The following ANK2 variants were observed in gnomAD, a reference collection of about 807,000 sequenced individuals.
The protein encoded by ANK2 is ankyrin 2, also known as ankyrin-2.
A neutral mutation model predicts 360.5 loss-of-function variants in ANK2; 83 were observed. The ratio of observed to expected loss-of-function variants is 0.23; its 90% CI spans 0.19 to 0.28. ANK2 has a LOEUF of 0.28. Among genes scored for constraint, ANK2 ranks in the 10% least tolerant of loss-of-function variants. The pLI, the probability that ANK2 is intolerant of heterozygous loss-of-function variation, is 1.00. For synonymous variants in ANK2, 1,740 were observed against 1,759.5 expected (o/e 0.99, Z 0.28); for missense variants, 4,201 against 4,795.7 (o/e 0.88, Z 3.66).
intron 1 of ANK2, among the ~76,000 whole-genome samples, chr4:113,070,328 T>C (rs1225875098): frequency 6.6e-6 from 1 of 152,100 alleles, no homozygotes; most frequent in Non-Finnish European, 1.5e-5. Flanking sequence ...GCCAGCATTG[T>C]CCACCTTTAT....
chr4:113,318,711 C>A, intron 26 of ANK2, 91 bp downstream of exon 26: 1 of 1,112,566 alleles, frequency 9.0e-7, no homozygotes, highest in Non-Finnish European at 1.3e-6. Flanking sequence ...TAGCTGGTGG[C>A]TAGCTTTACA....
chr4:113,143,835 T>G (rs192584823), intron 1 of ANK2, among the ~76,000 whole-genome samples: 157 of 152,312 alleles, frequency 1.0e-3, no homozygotes, highest in Middle Eastern at 6.8e-3. Context: ...ACTTAAATAC[T>G]ACAGAACATG....
chr4:112,786,061 TG>T, the ANK2 span, among the ~76,000 whole-genome samples: 1 of 151,974 alleles, frequency 6.6e-6, no homozygotes, highest in Non-Finnish European at 1.5e-5. Context: ...AGGCTAGTCT[TG>T]AACTCCTAGC....
At chr4:113,211,947 T>C (rs1355305810) in intron 4 of ANK2, among the ~76,000 whole-genome samples, 1 of 152,196 alleles carries the variant, frequency 6.6e-6, no homozygotes, top group Non-Finnish European at 1.5e-5. Flanking sequence ...TGCTATATTA[T>C]CTTGCTTTAT....
chr4:112,819,194 G>A (rs2056268087), intron 1 of ANK2, among the ~76,000 whole-genome samples: 1 of 152,156 alleles, frequency 6.6e-6, no homozygotes, highest in Non-Finnish European at 1.5e-5. Flanking sequence ...ATAAATGTGT[G>A]TGGTTGGAAG....
At chr4:112,795,491 G>A in the ANK2 span, among the ~76,000 whole-genome samples, 1 of 148,446 alleles carries the variant, frequency 6.7e-6, no homozygotes, top group South Asian at 2.2e-4. Context: ...GGATTAGAAA[G>A]GAGAACTAGA....
At chr4:112,975,038 A>G (rs1002320579) in intron 2 of ANK2, among the ~76,000 whole-genome samples, 4 of 152,202 alleles carry the variant, frequency 2.6e-5, no homozygotes, top group Non-Finnish European at 5.9e-5. Context: ...ATAAATCTGT[A>G]TTAGAACTGT....
chr4:113,002,418 T>C (rs552788683), intron 2 of ANK2, among the ~76,000 whole-genome samples: 77 of 152,354 alleles, frequency 5.1e-4, no homozygotes, highest in African/African-American at 1.8e-3. Context: ...TGTAGGGACA[T>C]GGATGAAATT....
intron 26 of ANK2, among the ~76,000 whole-genome samples, chr4:113,319,224 C>T (rs2084634145): frequency 6.6e-6 from 1 of 151,972 alleles, no homozygotes; most frequent in African/African-American, 2.4e-5. Flanking sequence ...TTTTTATTAA[C>T]TCATTAAAAA....
rs2154074915 is a variant in ANK2 at position 113,373,384 on chromosome 4, G to A, written c.11794G>A (p.Glu3932Lys). Reference sequence around the variant, plus strand: ...GCCACAGGAACCTGTCAACATCGAGGAAGGGGATGGCTATTCCAAAGTTAT... The same window carrying A: ...GCCACAGGAACCTGTCAACATCGAGAAAGGGGATGGCTATTCCAAAGTTAT... ...GMPQEPVNIE[E>K]GDGYSKVIKR... Residue 3932 changes from glutamate to lysine, a missense_variant, in exon 45 of 46, where the codon GAA (glutamate) becomes AAA (lysine). Physicochemically the swap from Glu to Lys is moderately conservative, Grantham distance 56. Transcript: ENST00000357077. The A allele has an allele frequency of 6.2e-7, 1 of 1,614,192 alleles. No homozygotes were observed. The highest frequency in any genetic ancestry group is 8.5e-7 in the Non-Finnish European group (1 of 1,180,020).
At chr4:113,307,699 G>A (rs950713514) in intron 23 of ANK2, among the ~76,000 whole-genome samples, 19 of 152,096 alleles carry the variant, frequency 1.2e-4, no homozygotes, top group African/African-American at 2.4e-4. Context: ...CACCACGCCC[G>A]GCCGCCGTTC....
chr4:113,339,860 G>T (rs1406632615), intron 32 of ANK2, among the ~76,000 whole-genome samples: 1 of 152,180 alleles, frequency 6.6e-6, no homozygotes, highest in Non-Finnish European at 1.5e-5. Context: ...ATCTTTAATT[G>T]ATTGCTAAGC....
chr4:113,349,430 G>A (rs1389175589), intron 36 of ANK2, among the ~76,000 whole-genome samples: 1 of 151,936 alleles, frequency 6.6e-6, no homozygotes, highest in Non-Finnish European at 1.5e-5. Context: ...ATACCCACCA[G>A]CTTAAAATGT....
At chr4:112,721,162 A>G in the ANK2 span, among the ~76,000 whole-genome samples, 1 of 152,136 alleles carries the variant, frequency 6.6e-6, no homozygotes, top group Non-Finnish European at 1.5e-5. Flanking sequence ...GAGATGGAGG[A>G]TTCCTTTGTG....
intron 10 of ANK2, among the ~76,000 whole-genome samples, chr4:113,254,096 C>G (rs1271899464): frequency 6.6e-6 from 1 of 152,188 alleles, no homozygotes; most frequent in African/African-American, 2.4e-5. Context: ...TCCTTCACGT[C>G]AAAACTCATC....
At chr4:112,802,999 G>A in the ANK2 span, among the ~76,000 whole-genome samples, 2 of 152,122 alleles carry the variant, frequency 1.3e-5, no homozygotes, top group African/African-American at 2.4e-5. Context: ...GCCTGTGTCT[G>A]TTCTGATTGG....
At chr4:113,013,600 A>C (rs1385162782) in intron 2 of ANK2, among the ~76,000 whole-genome samples, 1 of 152,208 alleles carries the variant, frequency 6.6e-6, no homozygotes, top group Non-Finnish European at 1.5e-5. Context: ...CATTACATAT[A>C]TCTATAGTTG....
the ANK2 span, among the ~76,000 whole-genome samples, chr4:112,811,804 C>T: frequency 2.6e-5 from 4 of 152,118 alleles, no homozygotes; most frequent in African/African-American, 9.7e-5. Flanking sequence ...CGGCCGGGCG[C>T]GGTGGCTCAC....
At chr4:113,156,881 GAC>G (rs35705165) in intron 1 of ANK2, among the ~76,000 whole-genome samples, 19,079 of 150,764 alleles carry the variant, frequency 0.13, 2,164 homozygotes, top group East Asian at 0.45. Context: ...ATGTGTGTGT[GAC>G]ACACAAACAG....
Sources: gnomAD v4.1 joint callset for allele counts (sites outside exome capture counted in the v4.1 genomes callset) on GRCh38, gnomAD v4.1.1 for gene constraint, MANE v1.5 for transcripts, NCBI Gene and HGNC (gene_info 2026-07-23, HGNC 2026-07-21) for gene names.